Variants in PEAK1 observed in about 807,000 individuals in gnomAD.
PEAK1 encodes the protein pseudopodium enriched atypical kinase 1.
Under a neutral mutation model 124.7 loss-of-function variants are expected in PEAK1, and 54 were observed. That is an observed-to-expected ratio of 0.43 (90% CI 0.35 to 0.54). The LOEUF is 0.54. PEAK1 is among the 20% of genes least tolerant of loss of function. The pLI, the probability that PEAK1 is intolerant of heterozygous loss-of-function variation, is 0.01. For synonymous variants in PEAK1, 719 were observed against 760.0 expected (o/e 0.95, Z 0.89); for missense variants, 2,046 against 2,134.5 (o/e 0.96, Z 0.82).
intron 6 of PEAK1, among the ~76,000 whole-genome samples, chr15:77,250,164 TAC>T (rs2060785550): frequency 7.1e-6 from 1 of 141,842 alleles, no homozygotes; most frequent in Non-Finnish European, 1.5e-5. Context: ...TACATATATA[TAC>T]ATATATATGT....
intron 5 of PEAK1, among the ~76,000 whole-genome samples, chr15:77,274,664 T>TA (rs1244282969): frequency 6.6e-6 from 1 of 151,722 alleles, no homozygotes; most frequent in East Asian, 1.9e-4. Context: ...TAAAAAAACA[T>TA]AGATGTTGGT....
At chr15:77,171,013 C>T (rs1249677881) in intron 7 of PEAK1, among the ~76,000 whole-genome samples, 1 of 152,128 alleles carries the variant, frequency 6.6e-6, no homozygotes, top group Non-Finnish European at 1.5e-5. Context: ...AGAAATGGTG[C>T]CTGGGTACAC....
chr15:77,286,910 G>C (rs1236335118), intron 2 of PEAK1, among the ~76,000 whole-genome samples: 1 of 152,100 alleles, frequency 6.6e-6, no homozygotes, highest in African/African-American at 2.4e-5. Context: ...GGTGAGTGGT[G>C]AGTTATATAA....
chr15:77,172,029 G>C (rs2056548140), intron 7 of PEAK1, among the ~76,000 whole-genome samples: 1 of 152,088 alleles, frequency 6.6e-6, no homozygotes, highest in African/African-American at 2.4e-5. Context: ...GAAAAAGGAG[G>C]AGTATTTTAA....
intron 1 of PEAK1, among the ~76,000 whole-genome samples, chr15:77,367,662 T>G (rs2068345296): frequency 6.6e-6 from 1 of 152,238 alleles, no homozygotes; most frequent in Non-Finnish European, 1.5e-5. Flanking sequence ...TTGCTTTGCA[T>G]AAATATTACA....
intron 2 of PEAK1, chr15:77,336,698 T>C (rs2066221868): frequency 3.2e-6 from 1 of 312,188 alleles, no homozygotes; most frequent in South Asian, 1.3e-4. Context: ...AAATGAAGAT[T>C]ATCACTGCAA....
chr15:77,205,128 C>A, intron 6 of PEAK1: 1 of 271,778 alleles, frequency 3.7e-6, no homozygotes, highest in South Asian at 4.2e-5. Flanking sequence ...TATCAGTGGT[C>A]ACTATTTCTC....
At chr15:77,249,101 C>A (rs1017997182) in intron 6 of PEAK1, among the ~76,000 whole-genome samples, 7 of 151,866 alleles carry the variant, frequency 4.6e-5, no homozygotes, top group Non-Finnish European at 1.0e-4. Context: ...GGGTTACAGG[C>A]GTGAGCCATG....
chr15:77,312,014 T>A lies in PEAK1; in HGVS notation c.-602-25510A>T, dbSNP rs373576147. On this transcript the variant is annotated intron_variant, in intron 2 of 9. Coordinates refer to ENST00000682557, the MANE Select transcript of PEAK1 (RefSeq NM_001385026.1). ...GGGATACTAGGTATGAAGAGTTGTATGAATCATGTGAGAGAAATTTATGAC... is the reference window on the plus strand; with the variant it reads ...GGGATACTAGGTATGAAGAGTTGTAAGAATCATGTGAGAGAAATTTATGAC... Among the ~76,000 whole-genome samples, 7 of 152,210 alleles carry A rather than the reference T, an allele frequency of 4.6e-5. No individual in the cohort carries two copies. The East Asian group carries it at 1.2e-3, about 25-fold the overall frequency.
rs149112508 is a variant in PEAK1 at position 77,313,362 on chromosome 15, G to A, written c.-602-26858C>T. On this transcript the variant is annotated intron_variant, in intron 2 of 9. Transcript: ENST00000682557. ...AATAACTAAGTAAATAAATGAGGAA[G>A]AATAAACAAATTTCCTAGGCAGAAT... 4.3e-4 allele frequency among the ~76,000 whole-genome samples: 65 copies of A among 152,138 alleles called. 2 individuals carry two copies. In the East Asian group the frequency reaches 0.013, roughly 29 times the overall value.
At chr15:77,311,398 G>C (rs1166990146) in intron 2 of PEAK1, among the ~76,000 whole-genome samples, 1 of 152,130 alleles carries the variant, frequency 6.6e-6, no homozygotes, top group Non-Finnish European at 1.5e-5. Flanking sequence ...AAGGCAGGCC[G>C]GGTGCAGTGG....
At chr15:77,237,202 T>C (rs1047496269) in intron 6 of PEAK1, among the ~76,000 whole-genome samples, 19 of 152,172 alleles carry the variant, frequency 1.2e-4, no homozygotes, top group Middle Eastern at 3.2e-3. Flanking sequence ...CTAAAAAAGA[T>C]TGTAAATCCT....
At chr15:77,256,822 C>T (rs1004378102) in intron 5 of PEAK1, among the ~76,000 whole-genome samples, 2 of 151,924 alleles carry the variant, frequency 1.3e-5, no homozygotes, top group African/African-American at 4.8e-5. Flanking sequence ...GTGTGCTGCA[C>T]CCATTAACTC....
chr15:77,407,930 T>C (rs2071987102), intron 1 of PEAK1, among the ~76,000 whole-genome samples: 2 of 132,602 alleles, frequency 1.5e-5, no homozygotes, highest in African/African-American at 5.2e-5. Flanking sequence ...TATACATATA[T>C]ACACACATAT....
In PEAK1 at chr15:77,182,838, C is replaced by G. The variant is rs114692861; in HGVS notation, c.-114-798G>C. Among the ~76,000 whole-genome samples the G allele has an allele frequency of 3.9e-3, 581 of 150,176 alleles. 5 individuals are homozygous for G. The highest frequency in any genetic ancestry group is 0.014 in the African/African-American group (571 of 40,946). ...GGCTTTTAAAGATTATAGAGTTTAT[C>G]CTAAGAGCAGTGGGAAGCCACTGAA... On this transcript the variant is annotated intron_variant, in intron 6 of 9. Coordinates refer to ENST00000682557, the MANE Select transcript of PEAK1 (RefSeq NM_001385026.1).
intron 1 of PEAK1, among the ~76,000 whole-genome samples, chr15:77,378,086 G>A (rs1436785186): frequency 2.0e-5 from 3 of 151,716 alleles, no homozygotes; most frequent in Non-Finnish European, 4.4e-5. Flanking sequence ...ATTTGAATAT[G>A]CTATTATTTT....
intron 9 of PEAK1, among the ~76,000 whole-genome samples, chr15:77,127,472 T>C (rs12905339): frequency 0.1 from 15,146 of 152,096 alleles, 833 homozygotes; most frequent in African/African-American, 0.11. Context: ...CATGAACAGA[T>C]AGTTGCTAGA....
At chr15:77,310,131 G>C (rs2153000358) in intron 2 of PEAK1, among the ~76,000 whole-genome samples, 1 of 152,292 alleles carries the variant, frequency 6.6e-6, no homozygotes, top group East Asian at 1.9e-4. Flanking sequence ...ACATTGAATA[G>C]AGGTGGCTGG....
In PEAK1 at chr15:77,354,856, G is replaced by A. The variant is rs186200059; in HGVS notation, c.-603+10307C>T. Among the ~76,000 whole-genome samples, 368 of 152,150 alleles carry A rather than the reference G, an allele frequency of 2.4e-3. 9 individuals are homozygous for A. Among genetic ancestry groups the A allele is most frequent in the Admixed American group, 0.021 (327 of 15,272 alleles). On this transcript the variant is annotated intron_variant, in intron 2 of 9. Transcript: ENST00000682557. The stretch of plus-strand genomic sequence containing the variant: ...AGATCAAGGCCATCCTGGCTAACAC[G>A]GTGAAACCCTGTCTCTACTAAAAAT...
Sources: allele counts gnomAD v4.1 joint callset (sites outside exome capture counted in the v4.1 genomes callset), GRCh38; gene constraint gnomAD v4.1.1; transcripts MANE v1.5; gene names NCBI Gene and HGNC (gene_info 2026-07-23, HGNC 2026-07-21).